The following PCDHGA4 variants were observed in gnomAD, a reference collection of about 807,000 sequenced individuals.
The protein encoded by PCDHGA4 is protocadherin gamma subfamily A, 4.
In PCDHGA4, 38 loss-of-function variants were observed where a neutral mutation model predicts 54.6. The observed-to-expected ratio is 0.70, with a 90% CI of 0.54 to 0.91. The LOEUF (loss-of-function observed/expected upper bound fraction) is 0.91. Ranked by LOEUF, PCDHGA4 falls within the 40% of genes least tolerant of loss-of-function variation. The pLI, the probability that PCDHGA4 is intolerant of heterozygous loss-of-function variation, is 0.00. For missense variants in PCDHGA4, 1,298 were observed against 1,220.9 expected (o/e 1.06, Z -0.94); for synonymous variants, 511 against 512.9 (o/e 1.00, Z 0.05).
Position 141,356,203 on chromosome 5 carries a change from G to A in PCDHGA4, c.1096G>A (p.Val366Met), listed in dbSNP as rs1454984060. The A allele has an allele frequency of 1.2e-6, 2 of 1,607,564 alleles. No individual in the cohort carries two copies. The highest frequency in any genetic ancestry group is 1.7e-6 in the Non-Finnish European group (2 of 1,176,748). The change falls in exon 1 of 4, where the codon GTG becomes ATG. Residue 366 changes from valine to methionine, a missense_variant. Physicochemically the swap from Val to Met is conservative, Grantham distance 21. Coordinates refer to ENST00000571252, the MANE Select transcript of PCDHGA4 (RefSeq NM_018917.4). ...PGLRARSKVL[V>M]TVLDENDNAP... is the part of the protein sequence containing the mutation. Reference sequence around the variant, plus strand: ...TCTCCGAGCTAGAAGCAAGGTACTGGTGACAGTTCTGGATGAAAATGACAA... The same window carrying A: ...TCTCCGAGCTAGAAGCAAGGTACTGATGACAGTTCTGGATGAAAATGACAA...
chr5:141,375,253 C>G, intron 1 of PCDHGA4: 1 of 1,613,916 alleles, frequency 6.2e-7, no homozygotes, highest in Non-Finnish European at 8.5e-7. Flanking sequence ...CGAGAAGTCT[C>G]CCATTTGAAT....
intron 1 of PCDHGA4, chr5:141,409,953 C>T: frequency 6.2e-7 from 1 of 1,613,398 alleles, no homozygotes; most frequent in Non-Finnish European, 8.5e-7. Context: ...TCTGCAGAGC[C>T]CGGCTACCTA....
chr5:141,406,258 G>C (rs895877034), intron 1 of PCDHGA4, among the ~76,000 whole-genome samples: 13 of 151,882 alleles, frequency 8.6e-5, no homozygotes, highest in South Asian at 2.1e-4. Flanking sequence ...GGTCTCAAAC[G>C]ATCTTCCTGC....
intron 1 of PCDHGA4, chr5:141,373,807 T>G (rs760297070): frequency 2.9e-6 from 1 of 341,172 alleles, no homozygotes; most frequent in African/African-American, 2.1e-5. Context: ...CTCTGTGTGA[T>G]AGTTTCACAA....
At chr5:141,455,041 T>C (rs971722465) in intron 1 of PCDHGA4, among the ~76,000 whole-genome samples, 2 of 151,234 alleles carry the variant, frequency 1.3e-5, no homozygotes, top group Non-Finnish European at 2.9e-5. Flanking sequence ...CTCGATCTCC[T>C]GACCTCGTGA....
At chr5:141,418,484 C>T (rs771278923) in intron 1 of PCDHGA4, 1 of 1,613,878 alleles carries the variant, frequency 6.2e-7, no homozygotes, top group East Asian at 2.2e-5. Flanking sequence ...GAGCGCTCAC[C>T]ACTTGGTACT....
At chr5:141,428,823 T>C (rs2097162740) in intron 1 of PCDHGA4, 1 of 152,274 alleles carries the variant, frequency 6.6e-6, no homozygotes, top group Non-Finnish European at 1.5e-5. Context: ...TTAGCTTTCA[T>C]GTATTTTTGA....
intron 1 of PCDHGA4, among the ~76,000 whole-genome samples, chr5:141,425,471 T>A (rs2096877403): frequency 6.6e-6 from 1 of 152,218 alleles, no homozygotes; most frequent in African/African-American, 2.4e-5. Flanking sequence ...TGTTATTAAT[T>A]CCTATGGCAA....
intron 1 of PCDHGA4, chr5:141,361,956 C>T: frequency 1.9e-6 from 3 of 1,603,312 alleles, no homozygotes; most frequent in Non-Finnish European, 1.7e-6. Flanking sequence ...TGTCCTACCA[C>T]GTGCTGCAGG....
chr5:141,486,345 A>C lies in PCDHGA4; in HGVS notation c.2515-8462A>C. On this transcript the variant is annotated intron_variant, in intron 1 of 3. Coordinates refer to ENST00000571252, the MANE Select transcript of PCDHGA4 (RefSeq NM_018917.4). This position sits in a 1 kb window ranked among gnomAD's most constrained non-coding sequence, Gnocchi z 5.0. Reference sequence around the variant, plus strand: ...GGAGATGTGAGCCTCCGCATTCCTGACCACTTGCCATTTGCCCTCAAGTCT... The same window carrying C: ...GGAGATGTGAGCCTCCGCATTCCTGCCCACTTGCCATTTGCCCTCAAGTCT... The C allele has an allele frequency of 6.2e-7, 1 of 1,613,940 alleles. No homozygotes were observed. The highest frequency in any genetic ancestry group is 8.5e-7 in the Non-Finnish European group (1 of 1,179,986).
intron 1 of PCDHGA4, chr5:141,417,260 G>A (rs1362206061): frequency 1.3e-5 from 2 of 152,174 alleles, no homozygotes; most frequent in Non-Finnish European, 2.9e-5. Context: ...CAGCTTCATA[G>A]ATAATTACTC....
chr5:141,413,319 C>T, intron 1 of PCDHGA4: 1 of 1,613,960 alleles, frequency 6.2e-7, no homozygotes, highest in South Asian at 1.1e-5. Context: ...AAGGCTCTTT[C>T]GTGGGCAACA....
chr5:141,440,035 C>T, intron 1 of PCDHGA4: 1 of 153,140 alleles, frequency 6.5e-6, no homozygotes, highest in East Asian at 1.9e-4. Flanking sequence ...GTGTCGAGGA[C>T]ATGCCCACTT....
rs188283892 is a variant in PCDHGA4, at chr5:141,394,450, T to C, written c.2514+36829T>C. ...GGGGACCCGCCCCTCAGCAGCAACA[T>C]GTCACTGAGCCTGTTCGTGCTGGAC... On this transcript the variant is annotated intron_variant, in intron 1 of 3. Coordinates refer to ENST00000571252, the MANE Select transcript of PCDHGA4 (RefSeq NM_018917.4). 12 of 1,614,228 alleles carry C rather than the reference T, an allele frequency of 7.4e-6. No individual in the cohort carries two copies. In the South Asian group the frequency reaches 1.3e-4, roughly 18 times the overall value.
rs2099705703 is a variant in PCDHGA4, at chr5:141,490,886, C to A, written c.2515-3921C>A. On this transcript the variant is annotated intron_variant, in intron 1 of 3. Transcript: ENST00000571252. This position sits in a 1 kb window ranked among gnomAD's most constrained non-coding sequence, Gnocchi z 5.4. The stretch of plus-strand genomic sequence containing the variant: ...TCTCCCCCATTGCATGCCAACACAT[C>A]TCTGCATGTGTTTGTCCTAGACGAG... The A allele has an allele frequency of 6.2e-7, 1 of 1,613,406 alleles. No homozygotes were observed. Among genetic ancestry groups the A allele is most frequent in the East Asian group, 2.2e-5 (1 of 44,878 alleles).
chr5:141,404,157 A>G (rs746450194), intron 1 of PCDHGA4: 12 of 1,613,094 alleles, frequency 7.4e-6, no homozygotes, highest in Non-Finnish European at 5.9e-6. Flanking sequence ...GAAGATTATT[A>G]CAGATTGTTG....
chr5:141,401,623 T>A (rs1418194568), intron 1 of PCDHGA4, among the ~76,000 whole-genome samples: 1 of 152,230 alleles, frequency 6.6e-6, no homozygotes, highest in African/African-American at 2.4e-5. Flanking sequence ...GGATTTGTCT[T>A]ATCGTTTGGA....
chr5:141,494,076 G>A (rs538740530), intron 1 of PCDHGA4, among the ~76,000 whole-genome samples: 24 of 152,234 alleles, frequency 1.6e-4, no homozygotes, highest in African/African-American at 4.3e-4. Flanking sequence ...ATCCCTCCCC[G>A]CTGCATCCCT....
intron 1 of PCDHGA4, chr5:141,370,892 G>A: frequency 6.2e-7 from 1 of 1,613,936 alleles, no homozygotes; most frequent in Non-Finnish European, 8.5e-7. Context: ...GTGTCAATTC[G>A]CTGCAGCAGT....
Sources: allele counts gnomAD v4.1 joint callset (sites outside exome capture counted in the v4.1 genomes callset), GRCh38; gene constraint gnomAD v4.1.1; non-coding constraint Gnocchi (gnomAD v3.1); transcripts MANE v1.5; gene names NCBI Gene and HGNC (gene_info 2026-07-23, HGNC 2026-07-21).